The following ADAM22 variants were observed in gnomAD, a reference collection of about 807,000 sequenced individuals.
The protein encoded by ADAM22 is ADAM metallopeptidase domain 22.
In ADAM22, 65 loss-of-function variants were observed where a neutral mutation model predicts 144.6. The observed-to-expected ratio is 0.45, with a 90% CI of 0.37 to 0.55. The LOEUF is 0.55. ADAM22 is among the 20% of genes least tolerant of loss of function. ADAM22 has a pLI of 0.00. For synonymous variants in ADAM22, 391 were observed against 412.6 expected, an observed-to-expected ratio of 0.95 and a Z score of 0.63; for missense variants, 974 against 1,184.9, an observed-to-expected ratio of 0.82 and a Z score of 2.61.
At chr7:88,041,125 G>A (rs1803019483) in intron 3 of ADAM22, among the ~76,000 whole-genome samples, 1 of 151,980 alleles carries the variant, frequency 6.6e-6, no homozygotes, top group Non-Finnish European at 1.5e-5. Flanking sequence ...AGCTGATAAA[G>A]GACCTTAATT....
chr7:87,964,780 TC>T (rs2129445891), intron 2 of ADAM22: 1 of 317,940 alleles, frequency 3.1e-6, no homozygotes, highest in Non-Finnish European at 6.1e-6. Context: ...TTCCTGGAAC[TC>T]AAGGGCAAGG....
intron 24 of ADAM22, 104 bp downstream of exon 24, chr7:88,166,050 T>C (rs530289924): frequency 1.4e-6 from 1 of 717,876 alleles, no homozygotes; most frequent in Non-Finnish European, 2.2e-6. Flanking sequence ...CAGAAATACA[T>C]TCTCATAATA....
chr7:88,089,449 A>G (rs1013760993), intron 4 of ADAM22, among the ~76,000 whole-genome samples: 1 of 152,118 alleles, frequency 6.6e-6, no homozygotes, highest in Non-Finnish European at 1.5e-5. Flanking sequence ...AATGTGAGCA[A>G]CAGCCACTGT....
intron 2 of ADAM22, among the ~76,000 whole-genome samples, chr7:87,959,937 A>T (rs1272191372): frequency 6.6e-6 from 1 of 152,102 alleles, no homozygotes; most frequent in Admixed American, 6.5e-5. Context: ...TTCTGAATTC[A>T]TTGTTTTTTC....
At chr7:88,084,538 C>T (rs1024410993) in intron 4 of ADAM22, among the ~76,000 whole-genome samples, 1 of 152,198 alleles carries the variant, frequency 6.6e-6, no homozygotes, top group Non-Finnish European at 1.5e-5. Flanking sequence ...TTCTGCCCAT[C>T]AATCCAAAGT....
At chr7:88,063,437 C>G (rs1481359073) in intron 3 of ADAM22, among the ~76,000 whole-genome samples, 1 of 152,016 alleles carries the variant, frequency 6.6e-6, no homozygotes, top group East Asian at 1.9e-4. Context: ...GAGGATCATT[C>G]ACCATGGTAG....
At chr7:87,952,821 C>T (rs1845610830) in intron 2 of ADAM22, among the ~76,000 whole-genome samples, 1 of 152,122 alleles carries the variant, frequency 6.6e-6, no homozygotes, top group Admixed American at 6.6e-5. Context: ...AATTTCAGAT[C>T]CTGTTATTGG....
chr7:88,192,519 T>G (rs1400217383), intron 30 of ADAM22, among the ~76,000 whole-genome samples: 1 of 152,200 alleles, frequency 6.6e-6, no homozygotes, highest in African/African-American at 2.4e-5. Flanking sequence ...CATCAGACTT[T>G]GTTTGGCTGG....
chr7:87,938,355 A>G (rs1047283473), intron 2 of ADAM22, among the ~76,000 whole-genome samples: 1 of 151,450 alleles, frequency 6.6e-6, no homozygotes, highest in Non-Finnish European at 1.5e-5. Flanking sequence ...AATAACTGGG[A>G]TTACAGGCAC....
At chr7:88,067,408 C>T (rs55637099) in intron 3 of ADAM22, among the ~76,000 whole-genome samples, 1 of 150,636 alleles carries the variant, frequency 6.6e-6, no homozygotes, top group African/African-American at 2.4e-5. Context: ...CCCCCCACCC[C>T]ACAACAGTCC....
chr7:88,151,055 T>C, intron 19 of ADAM22, 24 bp downstream of exon 19: 1 of 1,606,846 alleles, frequency 6.2e-7, no homozygotes, highest in Non-Finnish European at 8.5e-7. Context: ...TTTTTACCTA[T>C]GTTTTTCACA....
At position 88,059,716 on chromosome 7, in the gene ADAM22, C is replaced by T. The variant is rs148826308; in HGVS notation, c.324-15910C>T. Among the ~76,000 whole-genome samples, 168 of 152,240 alleles carry T rather than the reference C, an allele frequency of 1.1e-3. 1 individual carries two copies. The highest frequency in any genetic ancestry group is 2.1e-3 in the South Asian group (10 of 4,824). On this transcript the variant is annotated intron_variant, in intron 3 of 31. Transcript: ENST00000413139. ...AATGAAATCATGTCTTTTGCAGGAA[C>T]GTGAATACAGCTGAAGACCATTGTC...
intron 3 of ADAM22, among the ~76,000 whole-genome samples, chr7:88,039,463 AAATATAT>A (rs1802459212): frequency 9.1e-6 from 1 of 109,404 alleles, no homozygotes; most frequent in African/African-American, 3.7e-5. Flanking sequence ...AAAAAAAAAA[AAATATAT>A]ATATATATAT....
intron 31 of ADAM22, among the ~76,000 whole-genome samples, chr7:88,194,628 T>C (rs1850306871): frequency 6.6e-6 from 1 of 152,220 alleles, no homozygotes; most frequent in South Asian, 2.1e-4. Context: ...ATCATGACAT[T>C]CAGGTTTTTC....
At chr7:88,089,124 A>G (rs1250355074) in intron 4 of ADAM22, among the ~76,000 whole-genome samples, 1 of 151,586 alleles carries the variant, frequency 6.6e-6, no homozygotes, top group Non-Finnish European at 1.5e-5. Context: ...ATTTATTGCA[A>G]CAGAAAAGAT....
At chr7:88,190,787 T>C (rs954711637) in intron 30 of ADAM22, among the ~76,000 whole-genome samples, 4 of 152,176 alleles carry the variant, frequency 2.6e-5, no homozygotes, top group Non-Finnish European at 5.9e-5. Flanking sequence ...CCGTGTTCTC[T>C]ACTCCTATTT....
chr7:87,984,005 T>A (rs143266810), intron 3 of ADAM22, among the ~76,000 whole-genome samples: 43 of 152,318 alleles, frequency 2.8e-4, no homozygotes, highest in African/African-American at 9.1e-4. Flanking sequence ...TTATTCTCGA[T>A]GCTGATAATA....
chr7:88,097,423 C>T (rs563796013), intron 4 of ADAM22, among the ~76,000 whole-genome samples: 21 of 152,120 alleles, frequency 1.4e-4, no homozygotes, highest in African/African-American at 5.1e-4. Context: ...TCTAGGATTA[C>T]AGGCATGAGC....
chr7:88,103,112 A>G (rs1347868681), intron 4 of ADAM22, among the ~76,000 whole-genome samples: 2 of 152,160 alleles, frequency 1.3e-5, no homozygotes, highest in Non-Finnish European at 2.9e-5. Context: ...GCAGGAAGTC[A>G]TTTATGAGAA....
Sources: allele counts gnomAD v4.1 joint callset (sites outside exome capture counted in the v4.1 genomes callset), GRCh38; gene constraint gnomAD v4.1.1; transcripts MANE v1.5; gene names NCBI Gene and HGNC (gene_info 2026-07-23, HGNC 2026-07-21).